The following LCORL variants were observed in gnomAD, a reference collection of about 807,000 sequenced individuals.
The protein encoded by LCORL is ligand dependent nuclear receptor corepressor like, also known as ligand-dependent nuclear receptor corepressor-like protein.
In LCORL, 41 loss-of-function variants were observed where a neutral mutation model predicts 141.8. The ratio of observed to expected loss-of-function variants is 0.29; its 90% CI spans 0.23 to 0.38. The LOEUF (loss-of-function observed/expected upper bound fraction) is 0.38. LCORL is among the 10% of genes least tolerant of loss of function. The probability of loss-of-function intolerance (pLI) is 1.00; values close to 1 mark genes in which losing one functional copy is unlikely to be tolerated. For synonymous variants in LCORL, 618 were observed against 694.1 expected (o/e 0.89, Z 1.72); for missense variants, 1,759 against 2,035.0 (o/e 0.86, Z 2.61).
At chr4:17,912,415 A>C (rs1732712519) in intron 4 of LCORL, 1 of 615,334 alleles carries the variant, frequency 1.6e-6, no homozygotes, top group Non-Finnish European at 3.1e-6. Context: ...AGATGCCACT[A>C]AATCTCAGGA....
At chr4:17,940,138 A>ATATATATG (rs1324411178) in intron 4 of LCORL, among the ~76,000 whole-genome samples, 2 of 143,910 alleles carry the variant, frequency 1.4e-5, no homozygotes, top group African/African-American at 2.5e-5. Context: ...GTATATGTGT[A>ATATATATG]TATATATGTA....
chr4:17,999,116 G>C (rs1427769059), intron 1 of LCORL, among the ~76,000 whole-genome samples: 2 of 149,818 alleles, frequency 1.3e-5, no homozygotes, highest in African/African-American at 4.9e-5. Flanking sequence ...TTTTTGAAGG[G>C]CAGTAGATTT....
intron 4 of LCORL, among the ~76,000 whole-genome samples, chr4:17,931,891 T>C (rs1391205627): frequency 2.0e-5 from 3 of 152,170 alleles, no homozygotes; most frequent in Non-Finnish European, 4.4e-5. Flanking sequence ...GGACTAAAAG[T>C]GATGGGTTAA....
intron 5 of LCORL, among the ~76,000 whole-genome samples, chr4:17,897,226 T>TCC (rs1560306559): frequency 5.8e-5 from 7 of 119,770 alleles, no homozygotes; most frequent in African/African-American, 2.1e-4. Flanking sequence ...TTTTTTTTTT[T>TCC]TTTTTTTTTT....
intron 5 of LCORL, among the ~76,000 whole-genome samples, chr4:17,894,918 T>C (rs1000532199): frequency 2.6e-5 from 4 of 151,972 alleles, no homozygotes; most frequent in African/African-American, 7.2e-5. Flanking sequence ...CTATTTTCAA[T>C]GATGCTCAAG....
chr4:17,880,840 T>A, intron 6 of LCORL: 1 of 854,754 alleles, frequency 1.2e-6, no homozygotes, highest in African/African-American at 1.8e-5. Context: ...TTAGAAAATA[T>A]TGTAATAAAT....
At chr4:17,894,709 T>C (rs1398968996) in intron 5 of LCORL, among the ~76,000 whole-genome samples, 1 of 152,126 alleles carries the variant, frequency 6.6e-6, no homozygotes, top group East Asian at 1.9e-4. Flanking sequence ...TACACACTTG[T>C]GAGAGAATGA....
intron 1 of LCORL, among the ~76,000 whole-genome samples, chr4:18,002,770 T>C (rs1023555820): frequency 6.6e-6 from 1 of 152,202 alleles, no homozygotes; most frequent in Non-Finnish European, 1.5e-5. Context: ...TCCATGATAA[T>C]TTTTAAAACT....
intron 1 of LCORL, among the ~76,000 whole-genome samples, chr4:17,993,283 C>A (rs953886276): frequency 9.9e-5 from 15 of 152,262 alleles, no homozygotes; most frequent in African/African-American, 3.4e-4. Flanking sequence ...AGGCTCACTG[C>A]AACCTCTGTC....
rs1725579489 is a variant in LCORL at position 18,021,505 on chromosome 4, G to C, written c.154+93C>G. 1.8e-6 allele frequency: 2 copies of C among 1,124,152 alleles called. No homozygotes were observed. Among genetic ancestry groups the C allele is most frequent in the Non-Finnish European group, 2.4e-6 (2 of 820,200 alleles). The allele number at this position is 1,124,152 out of a possible 1,614,324, so 69.6% of individuals were successfully genotyped here. On this transcript the variant is annotated intron_variant, in intron 1 of 7. Transcript: ENST00000635767. This position sits in a 1 kb window ranked among gnomAD's most constrained non-coding sequence, Gnocchi z 5.5. ...CTCCCCCACCGAACTAACCCGAACG[G>C]GAGATTCAACTAAACCCCTCAGCCA... is the stretch of plus-strand genomic sequence containing the variant.
At chr4:17,893,626 C>T (rs1210626917) in intron 5 of LCORL, 23 of 983,980 alleles carry the variant, frequency 2.3e-5, no homozygotes, top group Non-Finnish European at 2.5e-5. Flanking sequence ...TCTTCATTTT[C>T]TTATTTGTTT....
chr4:17,875,528 C>G, exon 7 of LCORL: 1 of 1,231,194 alleles, frequency 8.1e-7, no homozygotes, highest in Non-Finnish European at 1.0e-6. Flanking sequence ...CAGAAACATG[C>G]CTTTTAGTTC....
chr4:17,948,407 T>C (rs1054626537), intron 4 of LCORL, among the ~76,000 whole-genome samples: 4 of 151,936 alleles, frequency 2.6e-5, no homozygotes, highest in Non-Finnish European at 5.9e-5. Flanking sequence ...AAAAAAATGA[T>C]GAAATAAAAG....
At chr4:17,897,213 C>CCTTTTTTT (rs1553863446) in intron 5 of LCORL, among the ~76,000 whole-genome samples, 922 of 63,986 alleles carry the variant, frequency 0.014, 432 homozygotes, top group Middle Eastern at 0.029. Flanking sequence ...ATACTGATTT[C>CCTTTTTTT]TTTTTTTTTT....
rs150673816 is a variant in LCORL at position 17,897,411 on chromosome 4, A to C, written c.683-11250T>G. ...GATTCAATTATCTTATTGGGGTGGA[A>C]AAACAGTAATATTTTAAGTCTATTA... On this transcript the variant is annotated intron_variant, in intron 5 of 7. Transcript: ENST00000635767. Among the ~76,000 whole-genome samples the C allele has an allele frequency of 5.2e-4, 79 of 151,612 alleles. No individual in the cohort carries two copies. The East Asian group carries it at 0.015, about 29-fold the overall frequency.
intron 7 of LCORL, among the ~76,000 whole-genome samples, chr4:17,872,109 A>C (rs1182545368): frequency 2.0e-5 from 3 of 151,240 alleles, no homozygotes; most frequent in Non-Finnish European, 2.9e-5. Flanking sequence ...CAACCCCCCC[A>C]AAAACACCCC....
intron 7 of LCORL, among the ~76,000 whole-genome samples, chr4:17,848,599 C>T (rs933582372): frequency 3.3e-5 from 5 of 152,218 alleles, no homozygotes; most frequent in Admixed American, 6.5e-5. Context: ...CCAGCGTGAG[C>T]GACGCAGAAG....
At chr4:17,909,159 T>G (rs769498721) in exon 5 of LCORL, 6 of 1,613,174 alleles carry the variant, frequency 3.7e-6, no homozygotes, top group Admixed American at 1.7e-5. Context: ...CTGCTCTTCC[T>G]GAAGGGAGTT....
chr4:17,852,565 ATAAG>A (rs1194642337), intron 7 of LCORL, among the ~76,000 whole-genome samples: 2 of 152,302 alleles, frequency 1.3e-5, no homozygotes, highest in African/African-American at 2.4e-5. Flanking sequence ...AGTGCTTATC[ATAAG>A]TAAGGCCTCT....
Sources: allele counts gnomAD v4.1 joint callset (sites outside exome capture counted in the v4.1 genomes callset), GRCh38; gene constraint gnomAD v4.1.1; non-coding constraint Gnocchi (gnomAD v3.1); transcripts MANE v1.5; gene names NCBI Gene and HGNC (gene_info 2026-07-23, HGNC 2026-07-21).